SHC4: variants seen among roughly 807,000 people sequenced by gnomAD.
SHC4 encodes SHC adaptor protein 4, also known as SHC-transforming protein 4.
In SHC4, 41 loss-of-function variants were observed where a neutral mutation model predicts 69.4. The ratio of observed to expected loss-of-function variants is 0.59; its 90% CI spans 0.46 to 0.77. SHC4 has a LOEUF of 0.77. Ranked by LOEUF, SHC4 falls within the 30% of genes least tolerant of loss-of-function variation. SHC4 has a pLI of 0.00. For synonymous variants in SHC4, 318 were observed against 299.3 expected (o/e 1.06, Z -0.64); for missense variants, 777 against 783.8 (o/e 0.99, Z 0.10).
At chr15:48,948,617 C>T (rs1009195291) in intron 1 of SHC4, among the ~76,000 whole-genome samples, 16 of 152,312 alleles carry the variant, frequency 1.1e-4, no homozygotes, top group African/African-American at 3.8e-4. Context: ...AGATAGTAAA[C>T]ACACTGGGCT....
rs1898683086 is a variant in SHC4 at position 48,826,097 on chromosome 15, A to G, written c.1767T>C (p.Asn589=). 8 of 1,613,472 alleles carry G rather than the reference A, an allele frequency of 5.0e-6. No homozygotes were observed. Among genetic ancestry groups the G allele is most frequent in the Non-Finnish European group, 5.9e-6 (7 of 1,179,814 alleles). Residue 589 remains asparagine (N), a synonymous_variant, in exon 12 of 12, where the codon AAT becomes AAC. Coordinates refer to ENST00000332408, the MANE Select transcript of SHC4 (RefSeq NM_203349.4). ...TATGGTATCTGATAAGGTGGCCGAC[A>G]TTATCAAATACATGATCCTTGGTCC... The part of the protein sequence containing the change: ...KVRTKDHVFD[N]VGHLIRYHMD...
chr15:48,914,848 C>A (rs1900586463), intron 2 of SHC4, among the ~76,000 whole-genome samples: 1 of 152,188 alleles, frequency 6.6e-6, no homozygotes, highest in African/African-American at 2.4e-5. Flanking sequence ...TCACCGCCAT[C>A]CATCTCCAGA....
chr15:48,939,208 C>T (rs747224902), intron 1 of SHC4, among the ~76,000 whole-genome samples: 69 of 152,130 alleles, frequency 4.5e-4, no homozygotes, highest in Non-Finnish European at 2.8e-4. Flanking sequence ...TAATCAATGG[C>T]GCTCCATAGG....
Position 48,907,840 on chromosome 15 carries a change from G to GTGTGTA in SHC4, c.657-17030_657-17029insTACACA, listed in dbSNP as rs763689321. ...TGTGTGTGTGTGTGTGTGTGTGTGT[G>GTGTGTA]TATATATATATATATGTATATGTAT... On this transcript the variant is annotated intron_variant, in intron 2 of 11. Transcript: ENST00000332408. Among the ~76,000 whole-genome samples, 895 of 142,198 alleles carry GTGTGTA rather than the reference G, an allele frequency of 6.3e-3. 11 individuals carry two copies. The highest frequency in any genetic ancestry group is 0.022 in the African/African-American group (833 of 38,046). The allele number at this position is 142,198 out of a possible 152,430, so 93.3% of individuals were successfully genotyped here.
chr15:48,894,729 G>A (rs7179126), intron 2 of SHC4, among the ~76,000 whole-genome samples: 2,222 of 152,226 alleles, frequency 0.015, 65 homozygotes, highest in African/African-American at 0.051. Flanking sequence ...GCACCTTGCA[G>A]TAGCAGGGAG....
chr15:48,919,946 A>G (rs1048031013), intron 2 of SHC4, among the ~76,000 whole-genome samples: 1 of 152,078 alleles, frequency 6.6e-6, no homozygotes, highest in Non-Finnish European at 1.5e-5. Context: ...GAGGGGAAAA[A>G]AAAAACAGTT....
intron 2 of SHC4, among the ~76,000 whole-genome samples, chr15:48,902,415 T>C (rs1467123050): frequency 6.6e-5 from 10 of 152,190 alleles, no homozygotes; most frequent in African/African-American, 2.2e-4. Context: ...TGGTACCTAG[T>C]AGGCTGCCTT....
rs754120239 is a variant in SHC4 at position 48,962,540 on chromosome 15, G to A, written c.476C>T (p.Thr159Ile). 6.2e-7 allele frequency: 1 copy of A among 1,605,736 alleles called. No individual in the cohort carries two copies. The highest frequency in any genetic ancestry group is 1.1e-5 in the South Asian group (1 of 89,716). ...GCCAGGAAGCGGGCACGAATCAGGG[G>A]TTAGGGCGGTTGCCCTGTGTCCCAC... ...DLVGHRATAL[T>I]PDSCPLPGPG... The change falls in exon 1 of 12, where the codon ACC becomes ATC. Residue 159 changes from threonine (T) to isoleucine (I), a missense_variant. Coordinates refer to ENST00000332408, the MANE Select transcript of SHC4 (RefSeq NM_203349.4).
At chr15:48,879,331 C>G (rs896918898) in intron 4 of SHC4, 1 of 167,050 alleles carries the variant, frequency 6.0e-6, no homozygotes, top group African/African-American at 2.4e-5. Context: ...GATGTGTTTC[C>G]AAGAGCATCT....
intron 4 of SHC4, chr15:48,877,579 T>G: frequency 1.0e-6 from 1 of 984,736 alleles, no homozygotes; most frequent in Non-Finnish European, 1.2e-6. Context: ...GCATTGCTAA[T>G]AGTGGAAAGA....
Position 48,834,860 on chromosome 15 carries a change from C to T in SHC4, c.1646G>A (p.Arg549Gln), listed in dbSNP as rs745448912. The change falls in exon 11 of 12, where the codon CGA (arginine) becomes CAA (glutamine). Residue 549 changes from arginine (R) to glutamine (Q), a missense_variant. Arg to Gln is a conservative substitution (Grantham distance 43). Transcript: ENST00000332408. ...TTGGCCAGGGGATGTTGCACTCTCTCGAACCAAAAAGTCCCCATCCTTTAC... is the reference window on the plus strand; with the variant it reads ...TTGGCCAGGGGATGTTGCACTCTCTTGAACCAAAAAGTCCCCATCCTTTAC... ...LLVKDGDFLVRESATSPGQYV... is the reference protein window; with the variant it reads ...LLVKDGDFLVQESATSPGQYV... The T allele has an allele frequency of 1.1e-5, 17 of 1,614,042 alleles. No individual in the cohort carries two copies. Among genetic ancestry groups the T allele is most frequent in the Admixed American group, 1.7e-5 (1 of 60,002 alleles).
At chr15:48,961,392 T>C (rs1392687296) in intron 1 of SHC4, among the ~76,000 whole-genome samples, 1 of 152,160 alleles carries the variant, frequency 6.6e-6, no homozygotes, top group Non-Finnish European at 1.5e-5. Context: ...CTTGTTTGAG[T>C]ACTACAAGCC....
intron 4 of SHC4, chr15:48,879,832 C>T (rs1159353046): frequency 1.2e-5 from 2 of 167,044 alleles, no homozygotes; most frequent in African/African-American, 4.8e-5. Context: ...GTATTGCATA[C>T]ATACTTTCTC....
intron 10 of SHC4, among the ~76,000 whole-genome samples, chr15:48,839,502 T>C (rs796233131): frequency 8.5e-4 from 130 of 152,294 alleles, no homozygotes; most frequent in African/African-American, 3.0e-3. Flanking sequence ...CCAAAAGTCC[T>C]TTCCTAAAGC....
At chr15:48,826,218 C>T in intron 11 of SHC4, 92 bp from the exon 12 acceptor site, 2 of 1,210,724 alleles carry the variant, frequency 1.7e-6, no homozygotes, top group Middle Eastern at 2.1e-4. Context: ...AGATATATCC[C>T]TAAAGTAGAT....
chr15:48,876,826 G>A (rs1899810278), intron 4 of SHC4: 4 of 345,708 alleles, frequency 1.2e-5, no homozygotes. Flanking sequence ...AATCTCCTTT[G>A]GCAACACCCT....
chr15:48,953,984 G>T (rs1458426340), intron 1 of SHC4, among the ~76,000 whole-genome samples: 1 of 152,198 alleles, frequency 6.6e-6, no homozygotes, highest in Non-Finnish European at 1.5e-5. Context: ...AGATGTAGAA[G>T]TGGCTTAGAT....
chr15:48,941,701 G>A (rs1901177995), intron 1 of SHC4, among the ~76,000 whole-genome samples: 1 of 152,158 alleles, frequency 6.6e-6, no homozygotes, highest in African/African-American at 2.4e-5. Flanking sequence ...TTTGAAAGTT[G>A]AAGATACAGT....
At chr15:48,932,460 TC>T (rs1157418370) in intron 1 of SHC4, among the ~76,000 whole-genome samples, 8 of 152,160 alleles carry the variant, frequency 5.3e-5, no homozygotes, top group African/African-American at 1.7e-4. Flanking sequence ...GTACAGGGCC[TC>T]TCATGATTTG....
Sources: allele counts gnomAD v4.1 joint callset (sites outside exome capture counted in the v4.1 genomes callset), GRCh38; gene constraint gnomAD v4.1.1; transcripts MANE v1.5; gene names NCBI Gene and HGNC (gene_info 2026-07-23, HGNC 2026-07-21).